The following ZNF569 variants were observed in gnomAD, a reference collection of about 807,000 sequenced individuals.
ZNF569 encodes the protein DNA-binding protein.
Under a neutral mutation model 56.3 loss-of-function variants are expected in ZNF569, and 38 were observed. That is an observed-to-expected ratio of 0.68 (90% confidence interval 0.52 to 0.88). ZNF569 has a LOEUF of 0.88. Ranked by LOEUF, ZNF569 falls within the 40% of genes least tolerant of loss-of-function variation. The probability of loss-of-function intolerance (pLI) is 0.00; values close to 1 mark genes in which losing one functional copy is unlikely to be tolerated. For synonymous variants in ZNF569, 241 were observed against 262.9 expected (o/e 0.92, Z 0.81); for missense variants, 666 against 809.2 (o/e 0.82, Z 2.15).
intron 5 of ZNF569, among the ~76,000 whole-genome samples, chr19:37,420,131 T>C (rs956597192): frequency 6.6e-6 from 1 of 151,672 alleles, no homozygotes; most frequent in Admixed American, 6.6e-5. Context: ...GGATTACAGG[T>C]GTGCGCCACC....
rs761171790 is a variant in ZNF569 at position 37,412,942 on chromosome 19, G to C, written c.1716C>G (p.His572Gln). The C allele has an allele frequency of 6.2e-7, 1 of 1,613,126 alleles. No individual in the cohort carries two copies. The highest frequency in any genetic ancestry group is 2.2e-5 in the East Asian group (1 of 44,758). The stretch of plus-strand genomic sequence containing the variant: ...TACATACATAGGGCTTCTCACCTGT[G>C]TGACTTCTCATATGTAAATTAAGCA... ...CSLLNLHMRS[H>Q]TGEKPYVCNE... is the part of the protein sequence containing the mutation. Residue 572 changes from histidine (H) to glutamine (Q), a missense_variant, in exon 6 of 6, where the codon CAC becomes CAG. By Grantham distance (24) the His-to-Gln change is conservative. Coordinates refer to ENST00000316950, the MANE Select transcript of ZNF569 (RefSeq NM_152484.3).
chr19:37,437,585 GACTCC>G (rs1568732589), intron 3 of ZNF569, among the ~76,000 whole-genome samples: 5 of 152,054 alleles, frequency 3.3e-5, no homozygotes, highest in African/African-American at 1.2e-4. Context: ...AAAACCTGAA[GACTCC>G]AGCAAAAAAA....
intron 3 of ZNF569, among the ~76,000 whole-genome samples, chr19:37,441,604 C>T (rs772680572): frequency 6.6e-6 from 1 of 151,324 alleles, no homozygotes; most frequent in Non-Finnish European, 1.5e-5. Context: ...GAGGTTGCAG[C>T]GAGCTGAGAT....
chr19:37,431,001 C>G (rs2041216962), intron 3 of ZNF569, among the ~76,000 whole-genome samples: 1 of 152,204 alleles, frequency 6.6e-6, no homozygotes, highest in South Asian at 2.1e-4. Flanking sequence ...TTTGGACCAG[C>G]CCCAGCCAGT....
intron 3 of ZNF569, among the ~76,000 whole-genome samples, chr19:37,427,089 G>A (rs1179722897): frequency 1.3e-5 from 2 of 152,142 alleles, no homozygotes; most frequent in African/African-American, 4.8e-5. Flanking sequence ...AGACTGAGAC[G>A]TGAAAATCCC....
At chr19:37,433,471 G>C (rs755919987) in intron 3 of ZNF569, among the ~76,000 whole-genome samples, 11 of 152,088 alleles carry the variant, frequency 7.2e-5, no homozygotes, top group Non-Finnish European at 1.5e-4. Context: ...CAAACCTAGA[G>C]AAAGATATTG....
chr19:37,425,830 C>G (rs1323727469), intron 5 of ZNF569, 38 bp downstream of exon 5: 1 of 1,497,750 alleles, frequency 6.7e-7, no homozygotes. Flanking sequence ...TTAATAGGCC[C>G]TGACCTCTCC....
At chr19:37,462,178 A>G (rs1302747982) in intron 2 of ZNF569, among the ~76,000 whole-genome samples, 1 of 152,032 alleles carries the variant, frequency 6.6e-6, no homozygotes, top group Non-Finnish European at 1.5e-5. Context: ...CTGCCCATCT[A>G]CTTGTATCTG....
intron 3 of ZNF569, among the ~76,000 whole-genome samples, chr19:37,428,720 T>C (rs1169789325): frequency 6.6e-6 from 1 of 151,466 alleles, no homozygotes; most frequent in Non-Finnish European, 1.5e-5. Context: ...TTGCCCAGGC[T>C]GGAGTGCAGT....
chr19:37,467,991 A>G (rs1242814448), upstream of ZNF569: 5 of 1,497,434 alleles, frequency 3.3e-6, no homozygotes, highest in Admixed American at 3.9e-5. Flanking sequence ...GTGTGGCCAG[A>G]CCGCCTGACT....
intron 5 of ZNF569, among the ~76,000 whole-genome samples, chr19:37,421,235 T>TA (rs2041030263): frequency 6.6e-6 from 1 of 152,124 alleles, no homozygotes; most frequent in African/African-American, 2.4e-5. Context: ...GGCTCCAACT[T>TA]AAAGTCACCA....
chr19:37,418,817 G>A (rs931175726), intron 5 of ZNF569, among the ~76,000 whole-genome samples: 1 of 152,086 alleles, frequency 6.6e-6, no homozygotes, highest in African/African-American at 2.4e-5. Context: ...AGGGACACCA[G>A]GCAGAAGACT....
chr19:37,467,695 A>G (rs1231949516), upstream of ZNF569: 6 of 624,700 alleles, frequency 9.6e-6, no homozygotes, highest in Non-Finnish European at 1.7e-5. Flanking sequence ...GACAGCGGCT[A>G]GAAGAGGGAG....
intron 3 of ZNF569, among the ~76,000 whole-genome samples, chr19:37,441,347 G>C (rs1367673004): frequency 1.3e-5 from 2 of 152,314 alleles, no homozygotes; most frequent in East Asian, 3.9e-4. Context: ...GTAGGATGAA[G>C]TAGGGTCATT....
At chr19:37,468,980 C>A, upstream of ZNF569, 1 of 902,438 alleles carries the variant, frequency 1.1e-6, no homozygotes, top group Non-Finnish European at 1.3e-6. Context: ...CACGCACAAA[C>A]CTTTTCCCTG....
chr19:37,468,557 G>A (rs527457701), upstream of ZNF569, among the ~76,000 whole-genome samples: 15 of 152,248 alleles, frequency 9.9e-5, no homozygotes, highest in East Asian at 1.9e-4. Context: ...GTGCAGTGGC[G>A]CGATCTCGGC....
chr19:37,419,672 G>A (rs899236773), intron 5 of ZNF569, among the ~76,000 whole-genome samples: 3 of 151,750 alleles, frequency 2.0e-5, no homozygotes, highest in African/African-American at 7.3e-5. Context: ...GCAGTGAGCC[G>A]AGATCATGCC....
At position 37,411,869 on chromosome 19, in the gene ZNF569, C is replaced by T. The variant is rs915033539; in HGVS notation, c.*728G>A. 2.6e-5 allele frequency: 4 copies of T among 152,064 alleles called. No homozygotes were observed. In the South Asian group the frequency reaches 8.3e-4, roughly 31 times the overall value. 9.4% of individuals were successfully genotyped at this position (152,064 alleles called of 1,614,324 possible). On this transcript the variant is annotated 3_prime_UTR_variant, in exon 6 of 6. Transcript: ENST00000316950. ...ATCTTACTACTGCTTGATTTATTCACTTGGTAATACATTGTTTAAATGACA... is the reference window on the plus strand; with the variant it reads ...ATCTTACTACTGCTTGATTTATTCATTTGGTAATACATTGTTTAAATGACA...
intron 2 of ZNF569, among the ~76,000 whole-genome samples, chr19:37,460,922 G>C (rs1454959819): frequency 6.6e-6 from 1 of 152,018 alleles, no homozygotes; most frequent in Non-Finnish European, 1.5e-5. Flanking sequence ...AAAAAAATTT[G>C]AGCTTCAAAA....
Sources: allele counts gnomAD v4.1 joint callset (sites outside exome capture counted in the v4.1 genomes callset), GRCh38; gene constraint gnomAD v4.1.1; transcripts MANE v1.5; gene names NCBI Gene and HGNC (gene_info 2026-07-23, HGNC 2026-07-21).